Variants in PRKG1 observed in about 807,000 individuals in gnomAD.
The protein encoded by PRKG1 is cGMP-dependent protein kinase 1.
In PRKG1, 35 loss-of-function variants were observed where a neutral mutation model predicts 88.1. The ratio of observed to expected loss-of-function variants is 0.40; its 90% CI spans 0.30 to 0.53. PRKG1 has a LOEUF of 0.53. Ranked by LOEUF, PRKG1 falls within the 20% of genes least tolerant of loss-of-function variation. The probability of loss-of-function intolerance (pLI) is 0.59; values close to 1 mark genes in which losing one functional copy is unlikely to be tolerated. For missense variants in PRKG1, 540 were observed against 839.8 expected, an observed-to-expected ratio of 0.64 and a Z score of 4.41; for synonymous variants, 303 against 292.5, an observed-to-expected ratio of 1.04 and a Z score of -0.37.
In PRKG1 at chr10:51,294,131, G is replaced by T. The variant is rs539338025; in HGVS notation, c.478+140801G>T. 3.3e-5 allele frequency among the ~76,000 whole-genome samples: 5 copies of T among 152,034 alleles called. No homozygotes were observed. In the East Asian group the frequency reaches 7.7e-4, roughly 24 times the overall value. ...ATTTTGGATATTAATTCCTTATCAG[G>T]TATATAGATTGCCAATATTTTCTCC... On this transcript the variant is annotated intron_variant, in intron 2 of 17. Transcript: ENST00000373980.
Position 51,494,982 on chromosome 10 carries a change from A to T in PRKG1, c.592+27146A>T, listed in dbSNP as rs138921874. Among the ~76,000 whole-genome samples the T allele has an allele frequency of 2.4e-3, 371 of 152,318 alleles. 5 individuals are homozygous for T. Among genetic ancestry groups the T allele is most frequent in the African/African-American group, 8.4e-3 (351 of 41,574 alleles). ...GTAAATGTATTGCCCATTTTTGCTGAAAGTCAGGCTCTTTCAGGAGGGAAG... is the reference window on the plus strand; with the variant it reads ...GTAAATGTATTGCCCATTTTTGCTGTAAGTCAGGCTCTTTCAGGAGGGAAG... On this transcript the variant is annotated intron_variant, in intron 3 of 17. Transcript: ENST00000373980.
intron 9 of PRKG1, among the ~76,000 whole-genome samples, chr10:52,211,884 C>A (rs1006945873): frequency 6.6e-6 from 1 of 151,766 alleles, no homozygotes; most frequent in African/African-American, 2.4e-5. Flanking sequence ...AGAAAAAAAA[C>A]TTGTATGAAA....
chr10:51,125,694 T>G (rs1007736748), intron 1 of PRKG1, among the ~76,000 whole-genome samples: 2 of 147,174 alleles, frequency 1.4e-5, no homozygotes, highest in East Asian at 2.0e-4. Context: ...AAAAAAAAAA[T>G]TATTTATTTT....
At chr10:51,658,849 T>A (rs2132326779) in intron 3 of PRKG1, among the ~76,000 whole-genome samples, 1 of 152,260 alleles carries the variant, frequency 6.6e-6, no homozygotes, top group African/African-American at 2.4e-5. Context: ...CAGGACACAT[T>A]TATTTTTCAA....
chr10:51,948,896 G>A (rs560663524), intron 5 of PRKG1, among the ~76,000 whole-genome samples: 1 of 152,164 alleles, frequency 6.6e-6, no homozygotes, highest in Non-Finnish European at 1.5e-5. Context: ...ATTCAATAAG[G>A]ATTACAAAGT....
intron 7 of PRKG1, chr10:52,128,514 C>T (rs781408787): frequency 7.9e-5 from 78 of 985,206 alleles, no homozygotes; most frequent in Non-Finnish European, 9.0e-5. Flanking sequence ...GATGAAGATT[C>T]CAGTGACGAA....
intron 2 of PRKG1, among the ~76,000 whole-genome samples, chr10:51,214,094 G>A (rs1466838892): frequency 6.6e-6 from 1 of 152,052 alleles, no homozygotes; most frequent in African/African-American, 2.4e-5. Flanking sequence ...AGCACCTAGA[G>A]TTATTTCTAA....
chr10:52,111,527 C>T (rs1847564285), intron 7 of PRKG1, among the ~76,000 whole-genome samples: 1 of 152,202 alleles, frequency 6.6e-6, no homozygotes, highest in African/African-American at 2.4e-5. Context: ...ATTGCTTTGA[C>T]ATTAACAGAT....
At chr10:51,460,662 A>C (rs922834534) in intron 2 of PRKG1, among the ~76,000 whole-genome samples, 19 of 152,292 alleles carry the variant, frequency 1.2e-4, no homozygotes, top group African/African-American at 4.1e-4. Context: ...AAGATAATGC[A>C]CAGAAAGCTT....
intron 1 of PRKG1, among the ~76,000 whole-genome samples, chr10:51,009,534 A>G (rs1185668685): frequency 6.6e-6 from 1 of 152,206 alleles, no homozygotes; most frequent in African/African-American, 2.4e-5. Context: ...CATACCACTG[A>G]AAAGTTAAGC....
chr10:51,559,398 A>G (rs1036729518), intron 3 of PRKG1, among the ~76,000 whole-genome samples: 5 of 152,084 alleles, frequency 3.3e-5, no homozygotes, highest in Non-Finnish European at 7.4e-5. Context: ...ATTAGAGGTG[A>G]CTGTCTCCTT....
intron 2 of PRKG1, among the ~76,000 whole-genome samples, chr10:51,342,340 T>A (rs1276477853): frequency 6.6e-6 from 1 of 152,038 alleles, no homozygotes; most frequent in South Asian, 2.1e-4. Flanking sequence ...CAGAGAGAGA[T>A]TTTAAAGGAC....
intron 9 of PRKG1, among the ~76,000 whole-genome samples, chr10:52,244,228 A>C (rs892714399): frequency 2.0e-5 from 3 of 152,172 alleles, no homozygotes; most frequent in Non-Finnish European, 4.4e-5. Flanking sequence ...ACTTTATAGT[A>C]ATAGGTACTT....
chr10:51,219,493 A>C (rs887305822), intron 2 of PRKG1, among the ~76,000 whole-genome samples: 1 of 151,980 alleles, frequency 6.6e-6, no homozygotes, highest in Non-Finnish European at 1.5e-5. Context: ...GTGGATCACA[A>C]GGTCAGGGGT....
chr10:51,798,435 G>C (rs754706754), intron 3 of PRKG1, among the ~76,000 whole-genome samples: 2 of 151,856 alleles, frequency 1.3e-5, no homozygotes, highest in African/African-American at 2.4e-5. Context: ...ATCCTTATTG[G>C]TCATATACAT....
intron 3 of PRKG1, among the ~76,000 whole-genome samples, chr10:51,765,900 A>G (rs1217721631): frequency 6.6e-6 from 1 of 151,014 alleles, no homozygotes; most frequent in African/African-American, 2.4e-5. Flanking sequence ...CTTAAAACAC[A>G]GGAATTCATT....
At chr10:52,025,793 C>T (rs775950995) in intron 5 of PRKG1, among the ~76,000 whole-genome samples, 9 of 151,496 alleles carry the variant, frequency 5.9e-5, no homozygotes, top group Admixed American at 1.3e-4. Flanking sequence ...ATTGGCAATG[C>T]GGGCTCTTTT....
At chr10:51,063,717 T>G (rs1364710428) in intron 1 of PRKG1, among the ~76,000 whole-genome samples, 1 of 152,178 alleles carries the variant, frequency 6.6e-6, no homozygotes, top group Non-Finnish European at 1.5e-5. Context: ...AATTTTATAA[T>G]TAGAGCTTAA....
In PRKG1 at chr10:51,251,159, T is replaced by G. The variant is rs1589279803; in HGVS notation, c.478+97829T>G. Among the ~76,000 whole-genome samples, 4 of 151,930 alleles carry G rather than the reference T, an allele frequency of 2.6e-5. No homozygotes were observed. In the South Asian group the frequency reaches 8.3e-4, roughly 31 times the overall value. On this transcript the variant is annotated intron_variant, in intron 2 of 17. Transcript: ENST00000373980. ...ATAATAACACATGGTAAACAACAAA[T>G]TGCATTGCTTCCTTTTCCTATTTTA...
Sources: allele counts gnomAD v4.1 joint callset (sites outside exome capture counted in the v4.1 genomes callset), GRCh38; gene constraint gnomAD v4.1.1; transcripts MANE v1.5; gene names NCBI Gene and HGNC (gene_info 2026-07-23, HGNC 2026-07-21).